The following GTF3C1 variants were observed in gnomAD, a reference collection of about 807,000 sequenced individuals.
The protein encoded by GTF3C1 is general transcription factor 3C polypeptide 1.
In GTF3C1, 57 loss-of-function variants were observed where a neutral mutation model predicts 226.7. The ratio of observed to expected loss-of-function variants is 0.25; its 90% CI spans 0.20 to 0.31. GTF3C1 has a LOEUF of 0.31. Among genes scored for constraint, GTF3C1 ranks in the 10% least tolerant of loss-of-function variants. The pLI is 1.00. For missense variants in GTF3C1, 2,217 were observed against 2,776.1 expected, an observed-to-expected ratio of 0.80 and a Z score of 4.53; for synonymous variants, 1,090 against 1,084.8, an observed-to-expected ratio of 1.00 and a Z score of -0.09.
In GTF3C1 at chr16:27,493,249, C is replaced by G; in HGVS notation, c.2826G>C (p.Thr942=). The G allele has an allele frequency of 2.5e-6, 4 of 1,612,272 alleles. No individual in the cohort carries two copies. Among genetic ancestry groups the G allele is most frequent in the Non-Finnish European group, 3.4e-6 (4 of 1,178,292 alleles). ...TGGGCCTGGGGAGAAAGCGGATCAG[C>G]GTGTGCTTCTTCAGCGGGTCGTTCA... ...EFLNDPLKKH[T]LIRFLPRPIR... The change falls in exon 17 of 37, where the codon ACG becomes ACC. Residue 942 remains threonine (T), a synonymous_variant. Transcript: ENST00000356183.
chr16:27,493,985 T>C (rs1161913014), intron 16 of GTF3C1, among the ~76,000 whole-genome samples: 2 of 152,106 alleles, frequency 1.3e-5, no homozygotes, highest in Non-Finnish European at 2.9e-5. Context: ...AAGTATGGCA[T>C]AGCAATAAAA....
intron 13 of GTF3C1, among the ~76,000 whole-genome samples, chr16:27,498,266 C>T (rs375484196): frequency 1.3e-5 from 2 of 152,180 alleles, no homozygotes; most frequent in East Asian, 3.8e-4. Context: ...TCTCCCTCCC[C>T]TGAGTTTTCT....
At chr16:27,481,487 A>G (rs2088047571) in intron 26 of GTF3C1, among the ~76,000 whole-genome samples, 2 of 151,950 alleles carry the variant, frequency 1.3e-5, no homozygotes, top group South Asian at 4.2e-4. Context: ...CCCAGGTGAG[A>G]TGACTCAAAC....
chr16:27,534,183 A>G (rs1280882855), intron 4 of GTF3C1, among the ~76,000 whole-genome samples: 1 of 152,178 alleles, frequency 6.6e-6, no homozygotes, highest in Non-Finnish European at 1.5e-5. Context: ...TCCTGACTAC[A>G]CTGGCGTGGC....
At chr16:27,544,782 G>C (rs2089138514) in intron 2 of GTF3C1, among the ~76,000 whole-genome samples, 1 of 152,110 alleles carries the variant, frequency 6.6e-6, no homozygotes, top group South Asian at 2.1e-4. Context: ...CACCATTCAA[G>C]TGCTCAAGGA....
rs754441704 is a variant in GTF3C1 at position 27,505,960 on chromosome 16, C to A, written c.1709G>T (p.Cys570Phe). 7.4e-6 allele frequency: 12 copies of A among 1,613,670 alleles called. No individual in the cohort carries two copies. Among genetic ancestry groups the A allele is most frequent in the Non-Finnish European group, 1.0e-5 (12 of 1,179,530 alleles). ...SEPNVSFVSH[C>F]ADSNSGDIAV... ...TATGTCACCACTGTTGCTGTCCGCA[C>A]AGTGGGAGACAAAGGACACGTTGGG... The change falls in exon 10 of 37, where the codon TGT becomes TTT. Residue 570 changes from cysteine to phenylalanine, a missense_variant. Transcript: ENST00000356183.
Position 27,498,691 on chromosome 16 carries a change from G to C in GTF3C1, c.2104C>G (p.Leu702Val). 1 of 1,607,704 alleles carries C rather than the reference G, an allele frequency of 6.2e-7. No homozygotes were observed. The highest frequency in any genetic ancestry group is 8.5e-7 in the Non-Finnish European group (1 of 1,174,122). The change falls in exon 13 of 37, where the codon CTA becomes GTA. Residue 702 changes from leucine to valine, a missense_variant. By Grantham distance (32) the Leu-to-Val change is conservative. Around this residue, in one of 12 missense-constraint regions of GTF3C1, gnomAD observed 100 missense variants for 139.9 expected, o/e 0.71. Transcript: ENST00000356183. The part of the protein sequence containing the change: ...VHPSMDQNDP[L>V]VRSAIEQVRF... ...ACCTGCTCGATGGCACTTCTCACTA[G>C]AGGGTCGTTCTGGTCCATGGACGGG...
chr16:27,544,556 G>A (rs1162841557), intron 2 of GTF3C1, among the ~76,000 whole-genome samples: 1 of 151,892 alleles, frequency 6.6e-6, no homozygotes, highest in East Asian at 1.9e-4. Context: ...GAGTAGACAG[G>A]GAAGAAATGT....
intron 6 of GTF3C1, among the ~76,000 whole-genome samples, chr16:27,521,950 T>C (rs1411996992): frequency 2.6e-5 from 4 of 152,242 alleles, no homozygotes; most frequent in African/African-American, 9.6e-5. Context: ...TGTTGCATTT[T>C]AATCATTCTT....
chr16:27,518,891 A>G (rs538132780), intron 6 of GTF3C1, among the ~76,000 whole-genome samples: 32 of 152,256 alleles, frequency 2.1e-4, no homozygotes, highest in Non-Finnish European at 2.8e-4. Flanking sequence ...AGTAAGGACT[A>G]AATTAATGAA....
intron 6 of GTF3C1, 63 bp from the exon 7 acceptor site, chr16:27,511,964 G>C: frequency 6.3e-7 from 1 of 1,577,000 alleles, no homozygotes; most frequent in Non-Finnish European, 8.6e-7. Flanking sequence ...GGGGAGGTGA[G>C]GGGTTCTGAA....
intron 2 of GTF3C1, among the ~76,000 whole-genome samples, chr16:27,539,879 T>G (rs1187617822): frequency 2.6e-5 from 4 of 152,126 alleles, no homozygotes; most frequent in African/African-American, 4.8e-5. Flanking sequence ...AGACTTCTGT[T>G]CTTTATAAAT....
chr16:27,476,220 A>G (rs1381099846), intron 29 of GTF3C1, among the ~76,000 whole-genome samples: 1 of 152,284 alleles, frequency 6.6e-6, no homozygotes, highest in Non-Finnish European at 1.5e-5. Flanking sequence ...TTATTCTGCA[A>G]TGTATACGTA....
chr16:27,461,713 G>C lies in GTF3C1; in HGVS notation c.6118-151C>G, dbSNP rs1023837834. The stretch of plus-strand genomic sequence containing the variant: ...AACTGGGCATGAGGCAGATGGGGAT[G>C]TACCAGGAGGGTTCAGGCAAAGGCC... On this transcript the variant is annotated intron_variant, in intron 36 of 36. Transcript: ENST00000356183. This position sits in a 1 kb window ranked among gnomAD's most constrained non-coding sequence, Gnocchi z 5.3. The C allele has an allele frequency of 2.2e-5, 14 of 633,020 alleles. No homozygotes were observed. Among genetic ancestry groups the C allele is most frequent in the Non-Finnish European group, 3.9e-5 (14 of 357,578 alleles). The allele number at this position is 633,020 out of a possible 1,614,324, so 39.2% of individuals were successfully genotyped here. A position where few individuals can be genotyped will look rare whatever the true frequency, so the allele number is the denominator to read the frequency against.
At chr16:27,538,623 C>A (rs1237583269) in intron 2 of GTF3C1, among the ~76,000 whole-genome samples, 1 of 152,194 alleles carries the variant, frequency 6.6e-6, no homozygotes, top group African/African-American at 2.4e-5. Flanking sequence ...CGCCAAGGCG[C>A]TCAGGCCAAA....
chr16:27,461,038 A>C lies in GTF3C1; in HGVS notation c.*312T>G. ...CCTGCCGAGATGGCTAGAGTCTGGAATGTGAGGTGTGCACAGGCGGGGCAA... is the reference window on the plus strand; with the variant it reads ...CCTGCCGAGATGGCTAGAGTCTGGACTGTGAGGTGTGCACAGGCGGGGCAA... On this transcript the variant is annotated 3_prime_UTR_variant, in exon 37 of 37. Transcript: ENST00000356183. This position sits in a 1 kb window ranked among gnomAD's most constrained non-coding sequence, Gnocchi z 5.3. The C allele has an allele frequency of 3.6e-6, 1 of 279,440 alleles. No homozygotes were observed. Among genetic ancestry groups the C allele is most frequent in the East Asian group, 6.2e-5 (1 of 16,144 alleles). The allele number at this position is 279,440 out of a possible 1,614,324, so 17.3% of individuals were successfully genotyped here.
intron 27 of GTF3C1, among the ~76,000 whole-genome samples, chr16:27,479,946 A>G (rs1481648400): frequency 6.6e-6 from 1 of 152,046 alleles, no homozygotes; most frequent in African/African-American, 2.4e-5. Context: ...CATGCCTGTA[A>G]TCCCAGCACT....
intron 15 of GTF3C1, 37 bp from the exon 16 acceptor site, chr16:27,494,945 G>T (rs763739199): frequency 1.3e-6 from 2 of 1,594,620 alleles, no homozygotes; most frequent in South Asian, 1.1e-5. Context: ...CGGCAGCCAG[G>T]ATACCAGTCA....
intron 7 of GTF3C1, among the ~76,000 whole-genome samples, chr16:27,510,180 T>A (rs527983165): frequency 3.6e-4 from 54 of 152,074 alleles, no homozygotes; most frequent in African/African-American, 1.2e-3. Context: ...GGTCAAGAGA[T>A]CGAGACCATC....
Sources: allele counts gnomAD v4.1 joint callset (sites outside exome capture counted in the v4.1 genomes callset), GRCh38; gene constraint gnomAD v4.1.1; regional missense constraint gnomAD v4.1.1; non-coding constraint Gnocchi (gnomAD v3.1); transcripts MANE v1.5; gene names NCBI Gene and HGNC (gene_info 2026-07-23, HGNC 2026-07-21).